Variants in CIMIP4 observed in about 807,000 individuals in gnomAD.
CIMIP4 encodes the protein ciliary microtubule inner protein 4, also known as protein EAN57.
At chr22:36,991,392 G>C in the CIMIP4 span, 1 of 1,559,400 alleles carries the variant, frequency 6.4e-7, no homozygotes, top group African/African-American at 1.4e-5. Flanking sequence ...TCTGTCTCCT[G>C]CTCTGGTTTC....
chr22:36,996,835 C>T, the CIMIP4 span, among the ~76,000 whole-genome samples: 2 of 152,130 alleles, frequency 1.3e-5, no homozygotes, highest in East Asian at 1.9e-4. Flanking sequence ...GACCAATGGA[C>T]AGAATAGAGC....
chr22:36,992,924 A>G, the CIMIP4 span, among the ~76,000 whole-genome samples: 26 of 150,242 alleles, frequency 1.7e-4, no homozygotes, highest in African/African-American at 6.3e-4. Flanking sequence ...TAAATCCTAT[A>G]TATAATACAT....
the CIMIP4 span, among the ~76,000 whole-genome samples, chr22:37,003,308 A>T: frequency 2.6e-5 from 4 of 152,340 alleles, no homozygotes; most frequent in African/African-American, 9.6e-5. Context: ...CATTCAGGTC[A>T]TTGGAGGAAG....
At chr22:37,004,754 C>T in the CIMIP4 span, among the ~76,000 whole-genome samples, 3 of 151,622 alleles carry the variant, frequency 2.0e-5, no homozygotes, top group Admixed American at 6.6e-5. Flanking sequence ...GTAGTGCAAT[C>T]TCAGCTCACT....
chr22:37,002,212 G>T, the CIMIP4 span: 1 of 1,474,822 alleles, frequency 6.8e-7, no homozygotes, highest in South Asian at 1.4e-5. Context: ...TGAACTTGGA[G>T]GTGTCCAAGG....
At chr22:37,002,132 T>A in the CIMIP4 span, 1 of 1,547,634 alleles carries the variant, frequency 6.5e-7, no homozygotes, top group Non-Finnish European at 8.7e-7. Context: ...CAAGTGGCAC[T>A]GCCCTAGGGA....
the CIMIP4 span, chr22:36,999,850 G>T: frequency 5.0e-6 from 8 of 1,613,418 alleles, no homozygotes; most frequent in South Asian, 1.1e-5. Context: ...CTCGAAACAA[G>T]TTTGACCGCA....
chr22:36,999,518 AAGGGGAGGGG>A, the CIMIP4 span, among the ~76,000 whole-genome samples: 35 of 44,612 alleles, frequency 7.8e-4, no homozygotes, highest in Non-Finnish European at 1.1e-3. Flanking sequence ...AAGGAAAGGG[AAGGGGAGGGG>A]AGGGGAGGGG....
At chr22:37,000,114 A>C in the CIMIP4 span, 1 of 1,210,588 alleles carries the variant, frequency 8.3e-7, no homozygotes, top group African/African-American at 1.5e-5. Flanking sequence ...GCAGCCCTCA[A>C]CCTATTCACA....
the CIMIP4 span, among the ~76,000 whole-genome samples, chr22:37,003,748 CT>C: frequency 6.6e-6 from 1 of 152,202 alleles, no homozygotes; most frequent in Non-Finnish European, 1.5e-5. Flanking sequence ...GTGATAATCC[CT>C]GCACATGGCA....
chr22:37,001,921 C>T, the CIMIP4 span: 14 of 1,613,350 alleles, frequency 8.7e-6, no homozygotes, highest in South Asian at 3.3e-5. Context: ...CCTTCTGGTT[C>T]GTGGGCGTGC....
At chr22:36,998,349 A>G in the CIMIP4 span, among the ~76,000 whole-genome samples, 23 of 152,216 alleles carry the variant, frequency 1.5e-4, no homozygotes, top group Non-Finnish European at 2.9e-4. Context: ...TCCAGTGGGC[A>G]CCTGGTTCCT....
chr22:36,995,341 T>C, the CIMIP4 span, among the ~76,000 whole-genome samples: 1 of 152,204 alleles, frequency 6.6e-6, no homozygotes, highest in Admixed American at 6.5e-5. Context: ...GCTGACCCTC[T>C]ACTCTCCCCT....
the CIMIP4 span, among the ~76,000 whole-genome samples, chr22:36,993,329 G>A: frequency 1.3e-5 from 2 of 151,910 alleles, no homozygotes; most frequent in Non-Finnish European, 2.9e-5. Context: ...GCCTTCTAAG[G>A]CCCTTAGTGT....
At chr22:36,994,872 CA>C in the CIMIP4 span, among the ~76,000 whole-genome samples, 815 of 152,218 alleles carry the variant, frequency 5.4e-3, 6 homozygotes, top group South Asian at 0.025. Context: ...CCTCATGATC[CA>C]CCCGCCTCGG....
chr22:36,998,897 T>C, the CIMIP4 span, among the ~76,000 whole-genome samples: 2 of 152,098 alleles, frequency 1.3e-5, no homozygotes, highest in South Asian at 2.1e-4. Context: ...AGCACCTTCA[T>C]GTGGCACTTC....
the CIMIP4 span, chr22:36,999,775 C>T: frequency 1.9e-6 from 3 of 1,558,738 alleles, no homozygotes; most frequent in South Asian, 2.5e-5. Context: ...CCCCAAAGGC[C>T]TTCCCTGCCC....
chr22:37,002,585 C>T, the CIMIP4 span, among the ~76,000 whole-genome samples: 3 of 152,144 alleles, frequency 2.0e-5, no homozygotes, highest in African/African-American at 4.8e-5. Context: ...CAAGGGCTGC[C>T]GCCTAAGCCT....
At chr22:36,998,790 C>T in the CIMIP4 span, among the ~76,000 whole-genome samples, 2 of 152,114 alleles carry the variant, frequency 1.3e-5, no homozygotes, top group African/African-American at 4.8e-5. Context: ...GCCTCCAACC[C>T]ACCCTTCCTT....
Sources: allele counts gnomAD v4.1 joint callset (sites outside exome capture counted in the v4.1 genomes callset), GRCh38; gene constraint gnomAD v4.1.1; transcripts MANE v1.5; gene names NCBI Gene and HGNC (gene_info 2026-07-23, HGNC 2026-07-21).